Variants in NUP188 observed in about 807,000 individuals in gnomAD.
NUP188 encodes nucleoporin NUP188.
NUP188 carries 97 observed loss-of-function variants against 223.0 expected under a neutral mutation model. That is an observed-to-expected ratio of 0.43 (90% confidence interval 0.37 to 0.51). The LOEUF is 0.51. Among genes scored for constraint, NUP188 ranks in the 20% least tolerant of loss-of-function variants. The pLI is 0.00. For synonymous variants in NUP188, 869 were observed against 828.0 expected (o/e 1.05, Z -0.85); for missense variants, 1,947 against 2,175.6 (o/e 0.89, Z 2.09).
intron 2 of NUP188, among the ~76,000 whole-genome samples, chr9:128,950,179 T>G (rs1185285587): frequency 1.3e-5 from 2 of 152,094 alleles, no homozygotes; most frequent in Non-Finnish European, 2.9e-5. Flanking sequence ...TGCCTCAGCC[T>G]CCCAAAGTGC....
In NUP188 at chr9:129,006,293, G is replaced by C. The variant is rs772946032; in HGVS notation, c.4998G>C (p.Ala1666=). The change falls in exon 43 of 44, where the codon GCG becomes GCC. Residue 1666 remains alanine, a synonymous_variant. Coordinates refer to ENST00000372577, the MANE Select transcript of NUP188 (RefSeq NM_015354.3). The part of the protein sequence containing the change: ...ENCFYLLISQ[A]MRYLRDPAVH... The stretch of plus-strand genomic sequence containing the variant: ...GCTTCTACCTGCTCATCTCTCAGGC[G>C]ATGCGGTACCTTAGGGACCCGGCTG... 1.9e-6 allele frequency: 3 copies of C among 1,614,154 alleles called. No individual in the cohort carries two copies. Among genetic ancestry groups the C allele is most frequent in the Non-Finnish European group, 2.5e-6 (3 of 1,180,032 alleles).
rs1214282846 is a variant in NUP188, at chr9:129,001,705, C to T, written c.4020C>T (p.Leu1340=). 3.1e-6 allele frequency: 5 copies of T among 1,613,838 alleles called. No homozygotes were observed. In the South Asian group the frequency reaches 3.3e-5, roughly 11 times the overall value. ...TCACTGAGGCCACATTGCATCTGCT[C>T]CTCACCCTGGCTCGCACTCAGCAGG... ...LHFTEATLHL[L]LTLARTQQGA... The change falls in exon 35 of 44, where the codon CTC becomes CTT. Residue 1340 remains leucine (L), a synonymous_variant. Transcript: ENST00000372577.
chr9:129,003,640 C>A, intron 38 of NUP188, 186 bp downstream of exon 38: 2 of 741,448 alleles, frequency 2.7e-6, no homozygotes, highest in Non-Finnish European at 4.7e-6. Flanking sequence ...TAGTCAAGGG[C>A]AGCCATGTAG....
rs1414750358 is a variant in NUP188 at position 128,952,840 on chromosome 9, C to T, written c.155C>T (p.Pro52Leu). 6.2e-7 allele frequency: 1 copy of T among 1,612,898 alleles called. No individual in the cohort carries two copies. The highest frequency in any genetic ancestry group is 1.3e-5 in the African/African-American group (1 of 74,864). ...RLLEGLSYYKPPSPSSAEKVK... is the reference protein window; with the variant it reads ...RLLEGLSYYKLPSPSSAEKVK... ...TTAGAGGGGCTTTCTTACTACAAACCTCCCAGGTATGGCAGTTCCGGGTGT... is the reference window on the plus strand; with the variant it reads ...TTAGAGGGGCTTTCTTACTACAAACTTCCCAGGTATGGCAGTTCCGGGTGT... Residue 52 changes from proline (P) to leucine (L), a missense_variant, in exon 3 of 44, where the codon CCT becomes CTT. By Grantham distance (98) the Pro-to-Leu change is moderately conservative (BLOSUM62 -3). Around this residue, in one of 3 missense-constraint regions of NUP188, gnomAD observed 817 missense variants for 865.8 expected, o/e 0.94. Transcript: ENST00000372577.
intron 24 of NUP188, among the ~76,000 whole-genome samples, chr9:128,989,168 G>A (rs1333952771): frequency 6.6e-6 from 1 of 151,866 alleles, no homozygotes; most frequent in African/African-American, 2.4e-5. Flanking sequence ...GTGAGGCTGG[G>A]GAGGATACTT....
At chr9:128,975,317 G>A (rs1362488405) in intron 12 of NUP188, among the ~76,000 whole-genome samples, 5 of 145,778 alleles carry the variant, frequency 3.4e-5, no homozygotes, top group African/African-American at 5.2e-5. Flanking sequence ...TCTGCCTCCT[G>A]AGTTCATGCC....
At chr9:128,995,175 C>G in intron 29 of NUP188, 144 bp from the exon 30 acceptor site, 1 of 678,948 alleles carries the variant, frequency 1.5e-6, no homozygotes, top group Non-Finnish European at 2.6e-6. Flanking sequence ...AGGCCTCAGC[C>G]TAACCCACAC....
rs778357869 is a variant in NUP188, at chr9:129,005,376, C to T, written c.4583C>T (p.Ala1528Val). ...VQRPPSAASA[A>V]PSSSKQPAAD... is the part of the protein sequence containing the mutation. ...AGGCCACCGTCTGCTGCTTCTGCTG[C>T]CCCCTCCTCCTCAAAGCAGCCCGCT... Residue 1528 changes from alanine (A) to valine (V), a missense_variant, in exon 40 of 44, where the codon GCC (alanine) becomes GTC (valine). By Grantham distance (64) the Ala-to-Val change is moderately conservative. Coordinates refer to ENST00000372577, the MANE Select transcript of NUP188 (RefSeq NM_015354.3). The T allele has an allele frequency of 9.9e-6, 16 of 1,613,280 alleles. No individual in the cohort carries two copies. The Admixed American group carries it at 1.5e-4, about 15-fold the overall frequency.
In NUP188 at chr9:128,993,645, G is replaced by C; in HGVS notation, c.2968G>C (p.Ala990Pro). ...TCGTGCCGCCATTGCCTTTTTGCAT[G>C]CTCTGTGGCAGGATCGGAGGGACAG... is the stretch of plus-strand genomic sequence containing the variant. Reference protein sequence around the residue: ...LHRAAIAFLHALWQDRRDSAM... With the variant: ...LHRAAIAFLHPLWQDRRDSAM... Residue 990 changes from alanine to proline, a missense_variant, in exon 27 of 44, where the codon GCT (alanine) becomes CCT (proline). By Grantham distance (27) the Ala-to-Pro change is conservative. This residue lies in a region of NUP188 where 905 missense variants were observed against 990.6 expected (regional missense o/e 0.91). Transcript: ENST00000372577. 1 of 1,614,214 alleles carries C rather than the reference G, an allele frequency of 6.2e-7. No individual in the cohort carries two copies. The highest frequency in any genetic ancestry group is 2.2e-5 in the East Asian group (1 of 44,888).
Position 128,985,009 on chromosome 9 carries a change from G to C in NUP188, c.2071G>C (p.Val691Leu). 6.2e-7 allele frequency: 1 copy of C among 1,608,448 alleles called. No homozygotes were observed. The highest frequency in any genetic ancestry group is 1.1e-5 in the South Asian group (1 of 90,778). Reference sequence around the variant, plus strand: ...CTTTCTGCGCTTGATCACCACCCTTGTCAAGGTACAGTCTGATTTTGTTCA... The same window carrying C: ...CTTTCTGCGCTTGATCACCACCCTTCTCAAGGTACAGTCTGATTTTGTTCA... ...IAFLRLITTL[V>L]KGQLGSTQSQ... The change falls in exon 20 of 44, where the codon GTC becomes CTC. Residue 691 changes from valine to leucine, a missense_variant. Physicochemically the swap from Val to Leu is conservative, Grantham distance 32. Transcript: ENST00000372577.
intron 34 of NUP188, among the ~76,000 whole-genome samples, chr9:129,000,598 G>A (rs1370450120): frequency 3.9e-5 from 6 of 151,982 alleles, no homozygotes; most frequent in Non-Finnish European, 5.9e-5. Context: ...GATTACAGGC[G>A]TGAGCCACCA....
intron 8 of NUP188, among the ~76,000 whole-genome samples, chr9:128,967,335 C>T (rs535158715): frequency 3.9e-5 from 6 of 152,182 alleles, no homozygotes; most frequent in East Asian, 3.9e-4. Flanking sequence ...TTTTACTATA[C>T]CTTTATAGGA....
At chr9:128,973,295 C>A in intron 12 of NUP188, 46 bp downstream of exon 12, 1 of 1,357,106 alleles carries the variant, frequency 7.4e-7, no homozygotes. Flanking sequence ...CCCAGCTTTG[C>A]AATCAAGTCC....
At chr9:128,985,086 T>A (rs1842315383) in intron 20 of NUP188, 72 bp downstream of exon 20, 2 of 1,057,162 alleles carry the variant, frequency 1.9e-6, no homozygotes, top group Non-Finnish European at 2.9e-6. Flanking sequence ...TCTGAAATAG[T>A]TTCCCTGGCC....
rs1377337934 is a variant in NUP188 at position 128,969,402 on chromosome 9, A to G, written c.800A>G (p.Tyr267Cys). Residue 267 changes from tyrosine to cysteine, a missense_variant and splice_region_variant, in exon 10 of 44, where the codon TAC becomes TGC. Transcript: ENST00000372577. The part of the protein sequence containing the change: ...TMDPFVDRIG[Y>C]FSALILVEGM... The stretch of plus-strand genomic sequence containing the variant: ...GGTGATACTATTTTTCTTTCTAGCT[A>G]CTTCAGTGCCCTCATCCTGGTGGAG... The G allele has an allele frequency of 1.9e-6, 3 of 1,597,650 alleles. No homozygotes were observed. The African/African-American group carries it at 4.0e-5, about 21-fold the overall frequency.
At chr9:128,957,577 G>C (rs564031607) in intron 5 of NUP188, among the ~76,000 whole-genome samples, 1 of 151,996 alleles carries the variant, frequency 6.6e-6, no homozygotes, top group African/African-American at 2.4e-5. Flanking sequence ...CCATTCTCCT[G>C]CCTCAGCCTC....
Position 128,971,559 on chromosome 9 carries a change from C to T in NUP188, c.1113+601C>T, listed in dbSNP as rs559767303. ...TCAGCCTCCCAAGTAGCTGGGACTA[C>T]GGGTGCCTGCCACAACGCCTAGCTA... is the stretch of plus-strand genomic sequence containing the variant. On this transcript the variant is annotated intron_variant, in intron 11 of 43. Coordinates refer to ENST00000372577, the MANE Select transcript of NUP188 (RefSeq NM_015354.3). Among the ~76,000 whole-genome samples the T allele has an allele frequency of 1.8e-3, 271 of 152,030 alleles. 2 individuals are homozygous for T. Among genetic ancestry groups the T allele is most frequent in the Non-Finnish European group, 3.1e-3 (210 of 67,986 alleles).
chr9:128,985,253 G>C, intron 20 of NUP188: 3 of 403,102 alleles, frequency 7.4e-6, no homozygotes, highest in Non-Finnish European at 1.3e-5. Context: ...GGTTTATGAA[G>C]TAGAATGGAA....
chr9:128,969,068 G>T (rs376581891), intron 9 of NUP188, among the ~76,000 whole-genome samples: 1 of 152,256 alleles, frequency 6.6e-6, no homozygotes. Flanking sequence ...GATAGTCTAT[G>T]GACTTTAAAT....
Sources: gnomAD v4.1 joint callset for allele counts (sites outside exome capture counted in the v4.1 genomes callset) on GRCh38, gnomAD v4.1.1 for gene constraint, gnomAD v4.1.1 regional missense constraint, MANE v1.5 for transcripts, NCBI Gene and HGNC (gene_info 2026-07-23, HGNC 2026-07-21) for gene names.